EFNA2: variants seen among roughly 807,000 people sequenced by gnomAD.
EFNA2 encodes the protein ephrin A2.
In EFNA2, 18 loss-of-function variants were observed where a neutral mutation model predicts 19.7. The observed-to-expected ratio is 0.91, with a 90% confidence interval of 0.63 to 1.35. The LOEUF (loss-of-function observed/expected upper bound fraction) is 1.35. EFNA2 is among the 40% of genes most tolerant of loss of function. The probability of loss-of-function intolerance (pLI) is 0.00; values close to 1 mark genes in which losing one functional copy is unlikely to be tolerated. For missense variants in EFNA2, 303 were observed against 296.0 expected, an observed-to-expected ratio of 1.02 and a Z score of -0.17; for synonymous variants, 187 against 137.8, an observed-to-expected ratio of 1.36 and a Z score of -2.50.
rs2081504206 is a variant in EFNA2 at position 1,294,264 on chromosome 19, C to A, written c.141-1281C>A. Among the ~76,000 whole-genome samples the A allele has an allele frequency of 6.6e-6, 1 of 152,206 alleles. No homozygotes were observed. The highest frequency in any genetic ancestry group is 2.1e-4 in the South Asian group (1 of 4,834). On this transcript the variant is annotated intron_variant, in intron 1 of 3. Coordinates refer to ENST00000215368, the MANE Select transcript of EFNA2 (RefSeq NM_001405.4). The surrounding 1 kb of genome is among the most constrained non-coding windows in gnomAD (Gnocchi z 5.8). Reference sequence around the variant, plus strand: ...AGGCCGCCGGTTACATGACAGGGGCCCTGGGGACCACAGCCGGGAGATCTA... The same window carrying A: ...AGGCCGCCGGTTACATGACAGGGGCACTGGGGACCACAGCCGGGAGATCTA...
In EFNA2 at chr19:1,300,154, CG is replaced by C. The variant is rs3833280; in HGVS notation, c.*211del. 112 of 614,722 alleles carry C rather than the reference CG, an allele frequency of 1.8e-4. No individual in the cohort carries two copies. The highest frequency in any genetic ancestry group is 5.1e-4 in the Admixed American group (13 of 25,342). The allele number at this position is 614,722 out of a possible 1,614,324, so 38.1% of individuals were successfully genotyped here. ...GGGGAAACGGCCGAGAGCCCCCCCC[CG>C]GAGGCCCGAGGGGCCGGGGTGTGGA... On this transcript the variant is annotated 3_prime_UTR_variant, in exon 4 of 4. Transcript: ENST00000215368.
rs1363928900 is a variant in EFNA2, at chr19:1,295,735, C to T, written c.331C>T (p.Arg111Cys). 1 of 1,607,982 alleles carries T rather than the reference C, an allele frequency of 6.2e-7. No individual in the cohort carries two copies. Among genetic ancestry groups the T allele is most frequent in the East Asian group, 2.2e-5 (1 of 44,612 alleles). ...CGACCACCGCCAGCGCGGCTTCAAG[C>T]GCTGGGAGTGCAACCGGCCCGCGGC... Reference protein sequence around the residue: ...SCDHRQRGFKRWECNRPAAPG... With the variant: ...SCDHRQRGFKCWECNRPAAPG... Residue 111 changes from arginine to cysteine, a missense_variant, in exon 2 of 4, where the codon CGC (arginine) becomes TGC (cysteine). Coordinates refer to ENST00000215368, the MANE Select transcript of EFNA2 (RefSeq NM_001405.4). The surrounding 1 kb of genome is among the most constrained non-coding windows in gnomAD (Gnocchi z 5.8).
chr19:1,296,738 C>T lies in EFNA2; in HGVS notation c.454+880C>T, dbSNP rs2081517536. 6.6e-6 allele frequency among the ~76,000 whole-genome samples: 1 copy of T among 152,204 alleles called. No homozygotes were observed. Among genetic ancestry groups the T allele is most frequent in the South Asian group, 2.1e-4 (1 of 4,834 alleles). On this transcript the variant is annotated intron_variant, in intron 2 of 3. Transcript: ENST00000215368. The surrounding 1 kb of genome is among the most constrained non-coding windows in gnomAD (Gnocchi z 4.4). ...CTCCAGGTCCTCCCTGCCCCGCACC[C>T]ACCCCCGCATCTCCCCGGGACCCAT...
Position 1,301,318 on chromosome 19 carries a change from G to A in EFNA2, c.*1373G>A, listed in dbSNP as rs960532036. 7.8e-4 allele frequency among the ~76,000 whole-genome samples: 118 copies of A among 150,756 alleles called. 2 individuals are homozygous for A. Among genetic ancestry groups the A allele is most frequent in the Non-Finnish European group, 1.6e-4 (11 of 67,626 alleles). On this transcript the variant is annotated 3_prime_UTR_variant, in exon 4 of 4. Coordinates refer to ENST00000215368, the MANE Select transcript of EFNA2 (RefSeq NM_001405.4). ...GGGCAGAGGGCTTTTGTAGGGGGTC[G>A]GCGGGGCGGGCCGCGTTGCCAGGCC...
chr19:1,288,250 CA>C (rs2081475302), intron 1 of EFNA2, among the ~76,000 whole-genome samples: 1 of 152,242 alleles, frequency 6.6e-6, no homozygotes, highest in South Asian at 2.1e-4. Flanking sequence ...TCGCGGACAT[CA>C]GGGGTCTCTG....
rs762937167 is a variant in EFNA2, at chr19:1,295,874, C to T, written c.454+16C>T. On this transcript the variant is annotated intron_variant, in intron 2 of 3. Coordinates refer to ENST00000215368, the MANE Select transcript of EFNA2 (RefSeq NM_001405.4). This position sits in a 1 kb window ranked among gnomAD's most constrained non-coding sequence, Gnocchi z 5.8. ...TACTACATCTGTGAGTGGGGTCGGG[C>T]CGGGGCTGCCGGGGCCCGAGTGGGC... 1 of 1,557,688 alleles carries T rather than the reference C, an allele frequency of 6.4e-7. No homozygotes were observed. The highest frequency in any genetic ancestry group is 1.2e-5 in the South Asian group (1 of 83,956).
chr19:1,298,027 G>A (rs746545609), intron 2 of EFNA2, among the ~76,000 whole-genome samples: 11 of 131,182 alleles, frequency 8.4e-5, no homozygotes, highest in Admixed American at 2.8e-4. Context: ...AGCCGAGATC[G>A]TACCATTGCA....
Position 1,286,112 on chromosome 19 carries a change from CGGA to C in EFNA2, c.-55_-53del. 4 of 605,772 alleles carry C rather than the reference CGGA, an allele frequency of 6.6e-6. No homozygotes were observed. The highest frequency in any genetic ancestry group is 8.2e-6 in the Non-Finnish European group (4 of 485,634). The allele number at this position is 605,772 out of a possible 1,614,324, so 37.5% of individuals were successfully genotyped here. On this transcript the variant is annotated 5_prime_UTR_variant, in exon 1 of 4. Coordinates refer to ENST00000215368, the MANE Select transcript of EFNA2 (RefSeq NM_001405.4). This position sits in a 1 kb window ranked among gnomAD's most constrained non-coding sequence, Gnocchi z 5.6. The stretch of plus-strand genomic sequence containing the variant: ...GCGGCGGCGGCGGCGGCGGAGGAGG[CGGA>C]GAAGGCTGGCAGGCGGCGGCCGGGA...
At position 1,297,396 on chromosome 19, in the gene EFNA2, G is replaced by A. The variant is rs2081520632; in HGVS notation, c.455-1155G>A. Among the ~76,000 whole-genome samples the A allele has an allele frequency of 6.6e-6, 1 of 152,068 alleles. No individual in the cohort carries two copies. The highest frequency in any genetic ancestry group is 1.5e-5 in the Non-Finnish European group (1 of 68,014). On this transcript the variant is annotated intron_variant, in intron 2 of 3. Coordinates refer to ENST00000215368, the MANE Select transcript of EFNA2 (RefSeq NM_001405.4). This position sits in a 1 kb window ranked among gnomAD's most constrained non-coding sequence, Gnocchi z 5.0. ...AAAATTACATTTTTCTTTCTGAGAC[G>A]GCAGTTTCATAAAGATAATTATTGT... is the stretch of plus-strand genomic sequence containing the variant.
chr19:1,287,629 C>G lies in EFNA2; in HGVS notation c.140+1321C>G, dbSNP rs1280265936. On this transcript the variant is annotated intron_variant, in intron 1 of 3. Transcript: ENST00000215368. This position sits in a 1 kb window ranked among gnomAD's most constrained non-coding sequence, Gnocchi z 6.2. Reference sequence around the variant, plus strand: ...CACCCCCCACCCTGGTCAACGGCCTCGGGTCGGGCCCTGGGGGCTGAGGGC... The same window carrying G: ...CACCCCCCACCCTGGTCAACGGCCTGGGGTCGGGCCCTGGGGGCTGAGGGC... Among the ~76,000 whole-genome samples, 1 of 151,990 alleles carries G rather than the reference C, an allele frequency of 6.6e-6. No individual in the cohort carries two copies. Among genetic ancestry groups the G allele is most frequent in the Non-Finnish European group, 1.5e-5 (1 of 67,968 alleles).
rs985542369 is a variant in EFNA2, at chr19:1,287,952, C to A, written c.140+1644C>A. ...CTGCCACAGGGCTGTGGGCTGCGGG[C>A]CGGACCCCCGGCCAGGGGAAGGAAG... is the stretch of plus-strand genomic sequence containing the variant. On this transcript the variant is annotated intron_variant, in intron 1 of 3. Coordinates refer to ENST00000215368, the MANE Select transcript of EFNA2 (RefSeq NM_001405.4). The surrounding 1 kb of genome is among the most constrained non-coding windows in gnomAD (Gnocchi z 6.2). 1.3e-5 allele frequency among the ~76,000 whole-genome samples: 2 copies of A among 152,230 alleles called. No homozygotes were observed. The highest frequency in any genetic ancestry group is 4.8e-5 in the African/African-American group (2 of 41,462).
At chr19:1,290,417 G>T (rs542687509) in intron 1 of EFNA2, among the ~76,000 whole-genome samples, 4 of 152,192 alleles carry the variant, frequency 2.6e-5, no homozygotes, top group Admixed American at 1.3e-4. Context: ...GTTCCGTGGC[G>T]GGGGGCCGTG....
At chr19:1,289,172 C>T (rs895129734) in intron 1 of EFNA2, among the ~76,000 whole-genome samples, 12 of 152,242 alleles carry the variant, frequency 7.9e-5, no homozygotes, top group Admixed American at 7.2e-4. Context: ...GGCGTGTTTG[C>T]ACATGTGTCT....
In EFNA2 at chr19:1,294,759, G is replaced by A. The variant is rs1364929171; in HGVS notation, c.141-786G>A. Among the ~76,000 whole-genome samples the A allele has an allele frequency of 6.6e-6, 1 of 152,006 alleles. No individual in the cohort carries two copies. Among genetic ancestry groups the A allele is most frequent in the African/African-American group, 2.4e-5 (1 of 41,370 alleles). On this transcript the variant is annotated intron_variant, in intron 1 of 3. Coordinates refer to ENST00000215368, the MANE Select transcript of EFNA2 (RefSeq NM_001405.4). This position sits in a 1 kb window ranked among gnomAD's most constrained non-coding sequence, Gnocchi z 5.8. ...CTCCGTTCTCTTTGGGGAAACTGAGGCCAGGGTGGGGGCAGAGCTTGCCCC... is the reference window on the plus strand; with the variant it reads ...CTCCGTTCTCTTTGGGGAAACTGAGACCAGGGTGGGGGCAGAGCTTGCCCC...
rs934270621 is a variant in EFNA2 at position 1,287,133 on chromosome 19, G to T, written c.140+825G>T. 6.6e-6 allele frequency among the ~76,000 whole-genome samples: 1 copy of T among 152,228 alleles called. No homozygotes were observed. Among genetic ancestry groups the T allele is most frequent in the Non-Finnish European group, 1.5e-5 (1 of 68,036 alleles). On this transcript the variant is annotated intron_variant, in intron 1 of 3. Transcript: ENST00000215368. This position sits in a 1 kb window ranked among gnomAD's most constrained non-coding sequence, Gnocchi z 6.2. Reference sequence around the variant, plus strand: ...AGGTCCGGGCCAGGCACAACGTGGGGGACAGGAGAAGCCCCCGTTGGTCAG... The same window carrying T: ...AGGTCCGGGCCAGGCACAACGTGGGTGACAGGAGAAGCCCCCGTTGGTCAG...
chr19:1,291,250 C>T (rs917840703), intron 1 of EFNA2, among the ~76,000 whole-genome samples: 22 of 152,308 alleles, frequency 1.4e-4, no homozygotes, highest in East Asian at 3.9e-4. Flanking sequence ...TGACCCTGCC[C>T]GGCCCATCTT....
intron 3 of EFNA2, among the ~76,000 whole-genome samples, chr19:1,299,167 A>G (rs990987354): frequency 6.6e-6 from 1 of 151,948 alleles, no homozygotes; most frequent in African/African-American, 2.4e-5. Context: ...GAACCCGGGA[A>G]GTGGAGGTTG....
chr19:1,284,255 G>A (rs372276422), upstream of EFNA2, among the ~76,000 whole-genome samples: 2 of 152,230 alleles, frequency 1.3e-5, no homozygotes, highest in South Asian at 4.1e-4. The surrounding 1 kb of genome is among the most constrained non-coding windows in gnomAD (Gnocchi z 5.3). Context: ...CACTCCAGGG[G>A]TGCTGAGAGA....
At position 1,294,419 on chromosome 19, in the gene EFNA2, G is replaced by A. The variant is rs749743489; in HGVS notation, c.141-1126G>A. Among the ~76,000 whole-genome samples the A allele has an allele frequency of 2.0e-5, 3 of 152,216 alleles. No homozygotes were observed. The highest frequency in any genetic ancestry group is 7.2e-5 in the African/African-American group (3 of 41,454). On this transcript the variant is annotated intron_variant, in intron 1 of 3. Coordinates refer to ENST00000215368, the MANE Select transcript of EFNA2 (RefSeq NM_001405.4). This position sits in a 1 kb window ranked among gnomAD's most constrained non-coding sequence, Gnocchi z 5.8. ...CTGGAGGAAGGGGCCTGTGGGTTGCGTCTGGGGGACCTCAGGGCAAAGGCC... is the reference window on the plus strand; with the variant it reads ...CTGGAGGAAGGGGCCTGTGGGTTGCATCTGGGGGACCTCAGGGCAAAGGCC...
Sources: gnomAD v4.1 joint callset for allele counts (sites outside exome capture counted in the v4.1 genomes callset) on GRCh38, gnomAD v4.1.1 for gene constraint, Gnocchi (gnomAD v3.1) non-coding constraint, MANE v1.5 for transcripts, NCBI Gene and HGNC (gene_info 2026-07-23, HGNC 2026-07-21) for gene names.